Variants in MELK observed in about 807,000 individuals in gnomAD.
MELK encodes pEg3 kinase.
Under a neutral mutation model 85.0 loss-of-function variants are expected in MELK, and 81 were observed. That is an observed-to-expected ratio of 0.95 (90% CI 0.80 to 1.15). The LOEUF is 1.15. Ranked by LOEUF, MELK falls within the 50% of genes most tolerant of loss-of-function variation. MELK has a pLI of 0.00. For synonymous variants in MELK, 252 were observed against 265.0 expected (o/e 0.95, Z 0.48); for missense variants, 754 against 777.5 (o/e 0.97, Z 0.36).
chr9:36,652,139 G>T (rs7045523), intron 12 of MELK, among the ~76,000 whole-genome samples: 126,595 of 147,564 alleles, frequency 0.86, 54,551 homozygotes, highest in Admixed American at 0.9. Context: ...CTCTGCCTCC[G>T]GGATTCAAGC....
intron 8 of MELK, among the ~76,000 whole-genome samples, chr9:36,610,539 C>T (rs750507738): frequency 6.6e-6 from 1 of 152,232 alleles, no homozygotes; most frequent in Non-Finnish European, 1.5e-5. Context: ...ATAAATGAGG[C>T]AGTGGGCTGG....
intron 8 of MELK, among the ~76,000 whole-genome samples, chr9:36,614,166 G>A (rs908374354): frequency 6.6e-6 from 1 of 151,338 alleles, no homozygotes; most frequent in Non-Finnish European, 1.5e-5. Context: ...GTGCGTCTTG[G>A]CTCACTGCAA....
rs762740176 is a variant in MELK, at chr9:36,589,529, G to C, written c.145-7G>C. 3.7e-6 allele frequency: 6 copies of C among 1,603,348 alleles called. No individual in the cohort carries two copies. In the African/African-American group the frequency reaches 6.7e-5, roughly 18 times the overall value. ...TATTGCTCATTCCATATGATGTTTT[G>C]TCACAGAGTGATTTGCCCCGGATCA... On this transcript the variant is annotated splice_region_variant and splice_polypyrimidine_tract_variant and intron_variant, in intron 3 of 17. Coordinates refer to ENST00000298048, the MANE Select transcript of MELK (RefSeq NM_014791.4).
intron 6 of MELK, among the ~76,000 whole-genome samples, chr9:36,599,144 A>C (rs1824628507): frequency 6.6e-6 from 1 of 152,068 alleles, no homozygotes; most frequent in South Asian, 2.1e-4. Context: ...AAAAATACAA[A>C]AATTAGTTGG....
At chr9:36,656,562 G>A (rs998223607) in intron 12 of MELK, among the ~76,000 whole-genome samples, 4 of 152,200 alleles carry the variant, frequency 2.6e-5, no homozygotes, top group South Asian at 2.1e-4. Context: ...GACAACGTTG[G>A]ACTGCATTTA....
At chr9:36,658,281 A>C (rs1831453125) in intron 13 of MELK, among the ~76,000 whole-genome samples, 1 of 151,968 alleles carries the variant, frequency 6.6e-6, no homozygotes, top group African/African-American at 2.4e-5. Context: ...GTATATTGGC[A>C]CACTTGATGG....
chr9:36,645,728 C>T (rs542015930), intron 11 of MELK, among the ~76,000 whole-genome samples: 15 of 152,152 alleles, frequency 9.9e-5, no homozygotes, highest in South Asian at 4.1e-4. Flanking sequence ...AGGGTATAGC[C>T]GAGGCATGAG....
intron 14 of MELK, among the ~76,000 whole-genome samples, chr9:36,667,281 T>C (rs1470319322): frequency 1.3e-5 from 2 of 151,468 alleles, no homozygotes; most frequent in African/African-American, 4.9e-5. Context: ...TCAGCCTCCC[T>C]AGTAGCTGGG....
At chr9:36,641,324 C>G (rs1318526257) in intron 10 of MELK, among the ~76,000 whole-genome samples, 1 of 152,186 alleles carries the variant, frequency 6.6e-6, no homozygotes, top group East Asian at 1.9e-4. Flanking sequence ...CACATACCAT[C>G]TCTCTCTAGC....
chr9:36,612,242 T>C (rs1469712271), intron 8 of MELK, among the ~76,000 whole-genome samples: 2 of 149,840 alleles, frequency 1.3e-5, no homozygotes, highest in Non-Finnish European at 3.0e-5. Flanking sequence ...ATTACAATCA[T>C]GCGCCACCGT....
intron 11 of MELK, 37 bp downstream of exon 11, chr9:36,643,120 C>A (rs998337196): frequency 6.4e-7 from 1 of 1,556,170 alleles, no homozygotes; most frequent in Non-Finnish European, 8.8e-7. Flanking sequence ...CAGTGGCTCA[C>A]GCCTGTAATC....
rs181155473 is a variant in MELK at position 36,604,012 on chromosome 9, C to A, written c.568-3563C>A. 1.8e-3 allele frequency among the ~76,000 whole-genome samples: 275 copies of A among 152,018 alleles called. 1 individual carries two copies. The highest frequency in any genetic ancestry group is 3.0e-3 in the Admixed American group (46 of 15,250). ...GAGACGGAGTTTCGCTCTTGTTGCC[C>A]AGGCTGGAGTGCAATGGTGTGATCT... is the stretch of plus-strand genomic sequence containing the variant. On this transcript the variant is annotated intron_variant, in intron 7 of 17. Coordinates refer to ENST00000298048, the MANE Select transcript of MELK (RefSeq NM_014791.4).
intron 10 of MELK, among the ~76,000 whole-genome samples, chr9:36,635,349 C>T (rs1012562563): frequency 3.9e-5 from 6 of 152,092 alleles, no homozygotes; most frequent in African/African-American, 9.6e-5. Flanking sequence ...CTACAACCTC[C>T]GCCTCCCAGT....
chr9:36,596,590 GTTTTTTTTT>G lies in MELK; in HGVS notation c.406-627_406-619del, dbSNP rs34969370. Among the ~76,000 whole-genome samples, 5 of 91,310 alleles carry G rather than the reference GTTTTTTTTT, an allele frequency of 5.5e-5. No individual in the cohort carries two copies. In the East Asian group the frequency reaches 8.5e-4, roughly 16 times the overall value. The allele number at this position is 91,310 out of a possible 152,430, so 59.9% of individuals were successfully genotyped here. ...TTTTTTTGTTTTTTTTGTTTTTTTTGTTTTTTTTTTTTTGAGATGGAGTTTCGCTCTTGT... is the reference window on the plus strand; with the variant it reads ...TTTTTTTGTTTTTTTTGTTTTTTTTGTTTTGAGATGGAGTTTCGCTCTTGT... On this transcript the variant is annotated intron_variant, in intron 5 of 17. Transcript: ENST00000298048.
At chr9:36,597,661 A>G (rs1824446035) in intron 6 of MELK, among the ~76,000 whole-genome samples, 1 of 152,182 alleles carries the variant, frequency 6.6e-6, no homozygotes. Flanking sequence ...AAAAGTTGAG[A>G]ATTTAGTGCA....
At chr9:36,659,948 C>T (rs563160461) in intron 13 of MELK, among the ~76,000 whole-genome samples, 15 of 152,116 alleles carry the variant, frequency 9.9e-5, no homozygotes, top group African/African-American at 2.4e-4. Flanking sequence ...TACAGGCATG[C>T]GCCACCACAC....
chr9:36,575,602 A>C (rs1041547239), intron 1 of MELK, among the ~76,000 whole-genome samples: 1 of 152,212 alleles, frequency 6.6e-6, no homozygotes, highest in African/African-American at 2.4e-5. Flanking sequence ...AAATGGAAGA[A>C]AGAAAGAAAA....
chr9:36,636,782 T>TTCTGTCTGTCTGTCTGTCTGTCTG lies in MELK; in HGVS notation c.834+3593_834+3594insGTCTGTCTGTCTGTCTGTCTGTCT, dbSNP rs1554728995. ...TTTCTTTCTTTCTTTCTTTCTTTCT[T>TTCTGTCTGTCTGTCTGTCTGTCTG]TCTGTCTGTCTTTCTTTCTTTCTGT... On this transcript the variant is annotated intron_variant, in intron 10 of 17. Coordinates refer to ENST00000298048, the MANE Select transcript of MELK (RefSeq NM_014791.4). Among the ~76,000 whole-genome samples, 219 of 107,644 alleles carry TTCTGTCTGTCTGTCTGTCTGTCTG rather than the reference T, an allele frequency of 2.0e-3. 3 individuals are homozygous for TTCTGTCTGTCTGTCTGTCTGTCTG. The highest frequency in any genetic ancestry group is 8.3e-3 in the African/African-American group (203 of 24,510). The allele number at this position is 107,644 out of a possible 152,430, so 70.6% of individuals were successfully genotyped here.
chr9:36,668,442 G>T (rs923419038), intron 14 of MELK, among the ~76,000 whole-genome samples: 5 of 152,090 alleles, frequency 3.3e-5, no homozygotes, highest in African/African-American at 1.2e-4. Flanking sequence ...AAACTATCTG[G>T]AATGCAAATA....
Sources: gnomAD v4.1 joint callset for allele counts (sites outside exome capture counted in the v4.1 genomes callset) on GRCh38, gnomAD v4.1.1 for gene constraint, MANE v1.5 for transcripts, NCBI Gene and HGNC (gene_info 2026-07-23, HGNC 2026-07-21) for gene names.